Variants in NTM observed in about 807,000 individuals in gnomAD.
NTM encodes IgLON family member 2.
In NTM, 13 loss-of-function variants were observed where a neutral mutation model predicts 42.1. The observed-to-expected ratio is 0.31, with a 90% CI of 0.20 to 0.49. The LOEUF (loss-of-function observed/expected upper bound fraction) is 0.49, where lower values mean the gene tolerates loss of function less well. Among genes scored for constraint, NTM ranks in the 20% least tolerant of loss-of-function variants. NTM has a pLI of 0.99. For missense variants in NTM, 373 were observed against 452.8 expected, an observed-to-expected ratio of 0.82 and a Z score of 1.60; for synonymous variants, 187 against 179.2, an observed-to-expected ratio of 1.04 and a Z score of -0.35.
chr11:132,253,281 C>T (rs1177586332), intron 4 of NTM, among the ~76,000 whole-genome samples: 1 of 152,072 alleles, frequency 6.6e-6, no homozygotes, highest in East Asian at 1.9e-4. Context: ...CACTATGATC[C>T]CACAGGAGAG....
intron 1 of NTM, among the ~76,000 whole-genome samples, chr11:131,630,147 G>C (rs1458650140): frequency 2.6e-5 from 4 of 152,110 alleles, no homozygotes; most frequent in African/African-American, 9.7e-5. Flanking sequence ...TCCATCTACC[G>C]GCAAAGGAGG....
intron 1 of NTM, among the ~76,000 whole-genome samples, chr11:131,641,208 T>A (rs2065088461): frequency 6.6e-6 from 1 of 152,240 alleles, no homozygotes; most frequent in Non-Finnish European, 1.5e-5. Flanking sequence ...ACTGAGGAGT[T>A]CTGTAAAATG....
In NTM at chr11:131,992,854, T is replaced by C. The variant is rs58634887; in HGVS notation, c.167+81206T>C. 4.4e-3 allele frequency among the ~76,000 whole-genome samples: 668 copies of C among 152,252 alleles called. 8 individuals are homozygous for C. Among genetic ancestry groups the C allele is most frequent in the African/African-American group, 0.015 (626 of 41,532 alleles). ...TGACCATGAGACTGGAGAGGAATGG[T>C]TGCATTGGAAATACCCAGAGAAAGA... On this transcript the variant is annotated intron_variant, in intron 2 of 8. Coordinates refer to ENST00000683400, the MANE Select transcript of NTM (RefSeq NM_001352005.2).
intron 1 of NTM, chr11:131,536,698 A>G (rs2052292409): frequency 6.6e-6 from 1 of 152,220 alleles, no homozygotes; most frequent in Non-Finnish European, 1.5e-5. Context: ...ATGTATACGC[A>G]TGAAACAATT....
At position 132,146,232 on chromosome 11, in the gene NTM, C is replaced by T. The variant is rs765638576; in HGVS notation, c.168-50C>T. 6 of 1,602,082 alleles carry T rather than the reference C, an allele frequency of 3.7e-6. No individual in the cohort carries two copies. Among genetic ancestry groups the T allele is most frequent in the Non-Finnish European group, 3.4e-6 (4 of 1,172,446 alleles). On this transcript the variant is annotated intron_variant, in intron 2 of 8. Coordinates refer to ENST00000683400, the MANE Select transcript of NTM (RefSeq NM_001352005.2). This position sits in a 1 kb window ranked among gnomAD's most constrained non-coding sequence, Gnocchi z 4.5. ...TGCCATGAGGACCTCCCTCTGATGGCTGCTGTCGTCTCTCAGTCCCTTGAC... is the reference window on the plus strand; with the variant it reads ...TGCCATGAGGACCTCCCTCTGATGGTTGCTGTCGTCTCTCAGTCCCTTGAC...
At chr11:132,227,554 C>A (rs542958853) in intron 4 of NTM, among the ~76,000 whole-genome samples, 1 of 151,646 alleles carries the variant, frequency 6.6e-6, no homozygotes, top group Admixed American at 6.6e-5. Context: ...GCTATTATTG[C>A]GGTGTAATTA....
At chr11:132,166,686 T>C (rs1412896613) in intron 3 of NTM, among the ~76,000 whole-genome samples, 1 of 152,234 alleles carries the variant, frequency 6.6e-6, no homozygotes, top group Non-Finnish European at 1.5e-5. Flanking sequence ...TGCAAGCCAC[T>C]GTTCAATATG....
At position 131,454,805 on chromosome 11, in the gene NTM, C is replaced by T. The variant is rs540713543; in HGVS notation, c.82+83917C>T. ...TCCTCCACACCCTGATTTGATATTACGCTGGGGCCACAGAGAGAAGAAAAA... is the reference window on the plus strand; with the variant it reads ...TCCTCCACACCCTGATTTGATATTATGCTGGGGCCACAGAGAGAAGAAAAA... On this transcript the variant is annotated intron_variant, in intron 1 of 8. Coordinates refer to ENST00000683400, the MANE Select transcript of NTM (RefSeq NM_001352005.2). Among the ~76,000 whole-genome samples the T allele has an allele frequency of 6.7e-5, 10 of 149,374 alleles. No homozygotes were observed. The South Asian group carries it at 8.4e-4, about 13-fold the overall frequency.
chr11:131,821,756 T>A (rs1293087569), intron 1 of NTM, among the ~76,000 whole-genome samples: 1 of 152,182 alleles, frequency 6.6e-6, no homozygotes, highest in East Asian at 1.9e-4. Context: ...CCCCACTGAC[T>A]CTCTTTGTTT....
intron 1 of NTM, among the ~76,000 whole-genome samples, chr11:131,755,602 C>T (rs2083229034): frequency 6.6e-6 from 1 of 152,080 alleles, no homozygotes; most frequent in Admixed American, 6.5e-5. Context: ...ACTGGGCATC[C>T]TGTATTTTTA....
At chr11:131,757,538 C>A (rs2083498309) in intron 1 of NTM, among the ~76,000 whole-genome samples, 1 of 152,146 alleles carries the variant, frequency 6.6e-6, no homozygotes, top group African/African-American at 2.4e-5. Flanking sequence ...CTTCTAGAAC[C>A]CATTTCCAGG....
At chr11:131,474,477 C>G (rs555767091) in intron 1 of NTM, among the ~76,000 whole-genome samples, 8 of 152,194 alleles carry the variant, frequency 5.3e-5, no homozygotes, top group African/African-American at 1.7e-4. Context: ...CCCCTACATG[C>G]CCACCTGTCT....
intron 1 of NTM, among the ~76,000 whole-genome samples, chr11:131,455,965 A>G (rs1199015236): frequency 6.6e-6 from 1 of 152,250 alleles, no homozygotes. Flanking sequence ...TTTTATAAAA[A>G]GGAGAAATGT....
chr11:131,786,451 T>G (rs1006241500), intron 1 of NTM, among the ~76,000 whole-genome samples: 2 of 152,212 alleles, frequency 1.3e-5, no homozygotes, highest in Non-Finnish European at 2.9e-5. Flanking sequence ...TTCACATTCT[T>G]CTTGAGAACA....
At chr11:132,166,190 T>C (rs2075253188) in intron 3 of NTM, among the ~76,000 whole-genome samples, 1 of 152,184 alleles carries the variant, frequency 6.6e-6, no homozygotes, top group Admixed American at 6.5e-5. Context: ...TAATGTATTC[T>C]AGAGAACATG....
At chr11:132,291,284 C>T (rs568198780) in intron 4 of NTM, among the ~76,000 whole-genome samples, 67 of 152,130 alleles carry the variant, frequency 4.4e-4, no homozygotes, top group African/African-American at 1.6e-3. Flanking sequence ...ATTAATAAGA[C>T]TTGGTGATGG....
intron 1 of NTM, among the ~76,000 whole-genome samples, chr11:131,824,655 C>T (rs1261243776): frequency 6.6e-6 from 1 of 152,190 alleles, no homozygotes; most frequent in Non-Finnish European, 1.5e-5. Context: ...ACAGACATTA[C>T]ACTGGTCAAA....
At chr11:131,789,825 G>A (rs1344274995) in intron 1 of NTM, among the ~76,000 whole-genome samples, 4 of 150,672 alleles carry the variant, frequency 2.7e-5, no homozygotes, top group East Asian at 4.0e-4. Flanking sequence ...GTGTGGTGGC[G>A]GGAGCCTGTA....
chr11:132,261,418 C>T (rs2092847387), intron 4 of NTM, among the ~76,000 whole-genome samples: 1 of 152,174 alleles, frequency 6.6e-6, no homozygotes, highest in African/African-American at 2.4e-5. Flanking sequence ...GCACGGCTCA[C>T]AGCACTGCAG....
Sources: gnomAD v4.1 joint callset for allele counts (sites outside exome capture counted in the v4.1 genomes callset) on GRCh38, gnomAD v4.1.1 for gene constraint, Gnocchi (gnomAD v3.1) non-coding constraint, MANE v1.5 for transcripts, NCBI Gene and HGNC (gene_info 2026-07-23, HGNC 2026-07-21) for gene names.